Variants in PSD3 observed in about 807,000 individuals in gnomAD.
The protein encoded by PSD3 is pleckstrin and Sec7 domain containing 3.
Under a neutral mutation model 105.5 loss-of-function variants are expected in PSD3, and 49 were observed. That is an observed-to-expected ratio of 0.46 (90% CI 0.37 to 0.59). The LOEUF is 0.59. Ranked by LOEUF, PSD3 falls within the 20% of genes least tolerant of loss-of-function variation. The probability of loss-of-function intolerance (pLI) is 0.00; values close to 1 mark genes in which losing one functional copy is unlikely to be tolerated. For synonymous variants in PSD3, 557 were observed against 457.8 expected (o/e 1.22, Z -2.77); for missense variants, 1,561 against 1,263.8 (o/e 1.24, Z -3.57).
At chr8:18,651,056 T>G (rs1808435788) in intron 10 of PSD3, among the ~76,000 whole-genome samples, 1 of 152,220 alleles carries the variant, frequency 6.6e-6, no homozygotes, top group Non-Finnish European at 1.5e-5. Context: ...CAAAAAATTT[T>G]TCAAGAACAT....
intron 2 of PSD3, among the ~76,000 whole-genome samples, chr8:18,892,842 C>T (rs1451616684): frequency 6.6e-6 from 1 of 151,872 alleles, no homozygotes; most frequent in Non-Finnish European, 1.5e-5. Context: ...CCAGGCTGGT[C>T]TCAAACTTCC....
intron 1 of PSD3, among the ~76,000 whole-genome samples, chr8:19,055,917 G>A (rs1230041299): frequency 1.3e-5 from 2 of 152,160 alleles, no homozygotes; most frequent in Non-Finnish European, 2.9e-5. Context: ...CATATGTCAG[G>A]AGAACACACT....
intron 9 of PSD3, among the ~76,000 whole-genome samples, chr8:18,659,070 G>A (rs952576131): frequency 6.6e-6 from 1 of 152,158 alleles, no homozygotes; most frequent in South Asian, 2.1e-4. Context: ...GTGGCTAGGA[G>A]AAAGTTCTAT....
intron 9 of PSD3, among the ~76,000 whole-genome samples, chr8:18,735,620 C>T (rs1027867396): frequency 8.5e-5 from 13 of 152,182 alleles, no homozygotes; most frequent in African/African-American, 2.9e-4. Context: ...ATGGTTTTTA[C>T]TGGCAACCTC....
At chr8:18,807,424 G>C (rs1028089907) in intron 4 of PSD3, among the ~76,000 whole-genome samples, 1 of 152,196 alleles carries the variant, frequency 6.6e-6, no homozygotes, top group Non-Finnish European at 1.5e-5. Context: ...TCTAAGAATA[G>C]GGAAAAGAGA....
rs779093495 is a variant in PSD3, at chr8:18,987,279, TA to T, written c.21+26283del. Among the ~76,000 whole-genome samples the T allele has an allele frequency of 1.9e-4, 26 of 138,590 alleles. No individual in the cohort carries two copies. The South Asian group carries it at 3.5e-3, about 19-fold the overall frequency. 90.9% of individuals were successfully genotyped at this position (138,590 alleles called of 152,430 possible). On this transcript the variant is annotated intron_variant, in intron 1 of 15. Coordinates refer to ENST00000327040, the MANE Select transcript of PSD3 (RefSeq NM_015310.4). ...TTTTAGAGAAATTTATTTTCTTTTT[TA>T]TTTTTTTTTTTATATATATTTTTTT...
chr8:18,892,159 T>C (rs1818826999), intron 2 of PSD3, among the ~76,000 whole-genome samples: 1 of 128,080 alleles, frequency 7.8e-6, no homozygotes, highest in African/African-American at 3.3e-5. Flanking sequence ...TATTGTTTGC[T>C]GTCACTTACT....
intron 10 of PSD3, among the ~76,000 whole-genome samples, chr8:18,636,406 A>G (rs1480040911): frequency 1.3e-5 from 2 of 152,222 alleles, no homozygotes; most frequent in Admixed American, 6.5e-5. Context: ...AAAGTTAAAA[A>G]GCTAAAATAA....
intron 1 of PSD3, among the ~76,000 whole-genome samples, chr8:18,983,012 G>A (rs553586789): frequency 6.6e-6 from 1 of 152,188 alleles, no homozygotes; most frequent in African/African-American, 2.4e-5. Flanking sequence ...AGGCTGTTTT[G>A]TCTACATTGA....
At position 18,574,694 on chromosome 8, in the gene PSD3, T is replaced by C. The variant is rs1040570535; in HGVS notation, c.2639+434A>G. ...GAGGTATTATACACACTTATCTCAC[T>C]GACTTCTCACTAGAACTCTGTAAGA... On this transcript the variant is annotated intron_variant, in intron 13 of 15. Coordinates refer to ENST00000327040, the MANE Select transcript of PSD3 (RefSeq NM_015310.4). 6.6e-5 allele frequency among the ~76,000 whole-genome samples: 10 copies of C among 152,326 alleles called. No individual in the cohort carries two copies. In the East Asian group the frequency reaches 1.9e-3, roughly 29 times the overall value.
chr8:18,541,684 T>G (rs1800158174), intron 15 of PSD3, among the ~76,000 whole-genome samples: 1 of 152,084 alleles, frequency 6.6e-6, no homozygotes, highest in Non-Finnish European at 1.5e-5. Context: ...TTTCTCTCTC[T>G]TTAGAGAGAA....
intron 9 of PSD3, among the ~76,000 whole-genome samples, chr8:18,738,896 T>C (rs1467580239): frequency 4.5e-4 from 2 of 4,438 alleles, no homozygotes; most frequent in South Asian, 0.048. Context: ...AAAAAAATTC[T>C]AGTCATTTTT....
At chr8:18,888,812 C>G (rs1444879209) in intron 2 of PSD3, among the ~76,000 whole-genome samples, 1 of 152,176 alleles carries the variant, frequency 6.6e-6, no homozygotes, top group Non-Finnish European at 1.5e-5. Flanking sequence ...GTTGGGCAAG[C>G]CTTCTAAGAC....
intron 1 of PSD3, among the ~76,000 whole-genome samples, chr8:18,969,320 G>C (rs8180908): frequency 0.3 from 46,251 of 151,998 alleles, 7,466 homozygotes; most frequent in Middle Eastern, 0.52. Flanking sequence ...ATTCAAACCT[G>C]AAAATAAGAC....
At chr8:18,777,338 G>A (rs894094311) in intron 8 of PSD3, among the ~76,000 whole-genome samples, 1 of 152,132 alleles carries the variant, frequency 6.6e-6, no homozygotes, top group African/African-American at 2.4e-5. Context: ...ACTGTGCCTT[G>A]CCAATTTTGC....
At chr8:18,923,264 G>A (rs1460046310) in intron 2 of PSD3, among the ~76,000 whole-genome samples, 1 of 152,158 alleles carries the variant, frequency 6.6e-6, no homozygotes, top group Non-Finnish European at 1.5e-5. Flanking sequence ...AGCTGTCCTG[G>A]GCTGCATGTG....
At chr8:18,538,404 A>G (rs1266126021) in intron 15 of PSD3, among the ~76,000 whole-genome samples, 2 of 152,230 alleles carry the variant, frequency 1.3e-5, no homozygotes, top group Admixed American at 6.5e-5. Context: ...ACTGAACAAG[A>G]TAATATCCAC....
intron 4 of PSD3, among the ~76,000 whole-genome samples, chr8:18,818,916 T>C (rs1417449282): frequency 6.6e-6 from 1 of 152,108 alleles, no homozygotes; most frequent in African/African-American, 2.4e-5. Context: ...AAGTCATCCC[T>C]GCCAGGGCTC....
At chr8:18,788,208 T>C (rs183452829) in intron 8 of PSD3, among the ~76,000 whole-genome samples, 119 of 152,320 alleles carry the variant, frequency 7.8e-4, no homozygotes, top group Middle Eastern at 3.4e-3. Context: ...TGTATTCTAT[T>C]CTCCAAATGC....
Sources: gnomAD v4.1 joint callset for allele counts (sites outside exome capture counted in the v4.1 genomes callset) on GRCh38, gnomAD v4.1.1 for gene constraint, MANE v1.5 for transcripts, NCBI Gene and HGNC (gene_info 2026-07-23, HGNC 2026-07-21) for gene names.